ERC1: variants seen among roughly 807,000 people sequenced by gnomAD.
The protein encoded by ERC1 is ELKS/RAB6-interacting/CAST family member 1.
In ERC1, 56 loss-of-function variants were observed where a neutral mutation model predicts 132.0. That is an observed-to-expected ratio of 0.42 (90% CI 0.34 to 0.53). ERC1 has a LOEUF of 0.53. Among genes scored for constraint, ERC1 ranks in the 20% least tolerant of loss-of-function variants. The pLI is 0.03. For missense variants in ERC1, 1,202 were observed against 1,349.9 expected (o/e 0.89, Z 1.72); for synonymous variants, 478 against 476.1 (o/e 1.00, Z -0.05).
chr12:1,279,734 G>T (rs376165534), intron 14 of ERC1, among the ~76,000 whole-genome samples: 1 of 151,376 alleles, frequency 6.6e-6, no homozygotes, highest in Admixed American at 6.6e-5. Context: ...TGTCGCCCAG[G>T]CCGGACTGCG....
intron 16 of ERC1, among the ~76,000 whole-genome samples, chr12:1,399,050 A>G (rs1362377165): frequency 6.8e-6 from 1 of 146,020 alleles, no homozygotes; most frequent in Non-Finnish European, 1.5e-5. Context: ...GGCTCAAGCA[A>G]TCCTCCCACC....
chr12:1,219,493 A>G (rs1566286269), intron 12 of ERC1, among the ~76,000 whole-genome samples: 1 of 152,134 alleles, frequency 6.6e-6, no homozygotes, highest in Non-Finnish European at 1.5e-5. Context: ...TCAAAAATGT[A>G]TCTTTAATTC....
At chr12:1,462,192 C>G (rs1196895299) in intron 18 of ERC1, among the ~76,000 whole-genome samples, 1 of 152,110 alleles carries the variant, frequency 6.6e-6, no homozygotes, top group Non-Finnish European at 1.5e-5. Flanking sequence ...ACTGACAGTA[C>G]CAAATGCTCG....
chr12:1,340,328 A>G (rs748992055), intron 15 of ERC1, among the ~76,000 whole-genome samples: 2 of 152,104 alleles, frequency 1.3e-5, no homozygotes, highest in Non-Finnish European at 2.9e-5. Context: ...AAAGTCTCCT[A>G]TGGGAGCAAG....
chr12:1,320,207 A>T (rs1337924212), intron 15 of ERC1, among the ~76,000 whole-genome samples: 1 of 152,204 alleles, frequency 6.6e-6, no homozygotes, highest in East Asian at 1.9e-4. Context: ...ATATGTAAGC[A>T]TATTTTTCTA....
chr12:1,379,314 T>A (rs1040587858), intron 16 of ERC1, among the ~76,000 whole-genome samples: 1 of 152,224 alleles, frequency 6.6e-6, no homozygotes, highest in African/African-American at 2.4e-5. Flanking sequence ...ACATTGTTGC[T>A]AAAGTTCTGG....
At chr12:1,064,659 T>C (rs1362654634) in intron 2 of ERC1, among the ~76,000 whole-genome samples, 2 of 152,066 alleles carry the variant, frequency 1.3e-5, no homozygotes, top group African/African-American at 4.8e-5. Context: ...TCCCAAAGCA[T>C]TGGGATTGCA....
At chr12:1,422,817 CTG>C (rs1277684654) in intron 17 of ERC1, among the ~76,000 whole-genome samples, 1 of 151,824 alleles carries the variant, frequency 6.6e-6, no homozygotes, top group Non-Finnish European at 1.5e-5. Flanking sequence ...GCCACAAACA[CTG>C]TGTAAGAGTT....
intron 14 of ERC1, 64 bp downstream of exon 14, chr12:1,263,229 T>C (rs1039890636): frequency 2.6e-6 from 4 of 1,538,098 alleles, no homozygotes; most frequent in East Asian, 2.3e-5. Context: ...ACACAACCAG[T>C]ATAGTTTAGG....
chr12:1,115,751 A>G (rs7973282), intron 6 of ERC1, 115 bp from the exon 7 acceptor site: 203,003 of 903,962 alleles, frequency 0.22, 24,566 homozygotes, highest in Non-Finnish European at 0.25. Flanking sequence ...ATGACCTATC[A>G]CACAGTTCGT....
At chr12:1,356,916 A>G (rs1201882272) in intron 15 of ERC1, among the ~76,000 whole-genome samples, 2 of 152,196 alleles carry the variant, frequency 1.3e-5, no homozygotes, top group Non-Finnish European at 2.9e-5. Context: ...AAATTGTTGA[A>G]TCATTAATGC....
intron 2 of ERC1, among the ~76,000 whole-genome samples, chr12:1,074,252 A>G (rs1170327649): frequency 6.6e-6 from 1 of 152,052 alleles, no homozygotes; most frequent in Non-Finnish European, 1.5e-5. Context: ...TGTGGTGTAT[A>G]TAGAATGCAT....
intron 1 of ERC1, among the ~76,000 whole-genome samples, chr12:998,754 C>T (rs998016683): frequency 8.6e-5 from 13 of 151,876 alleles, no homozygotes; most frequent in African/African-American, 1.9e-4. Context: ...TTTGACAGAG[C>T]GGATACCCCT....
At chr12:1,108,693 T>G (rs1260771198) in intron 4 of ERC1, among the ~76,000 whole-genome samples, 3 of 152,182 alleles carry the variant, frequency 2.0e-5, no homozygotes, top group Non-Finnish European at 2.9e-5. Flanking sequence ...AAAATCCTGG[T>G]TTAGGTATAG....
intron 18 of ERC1, among the ~76,000 whole-genome samples, chr12:1,460,900 A>G (rs1432181142): frequency 6.9e-6 from 1 of 144,484 alleles, no homozygotes; most frequent in East Asian, 2.1e-4. Context: ...AAAATGAACA[A>G]TTGTTTTGAA....
rs1466939029 is a variant in ERC1 at position 1,083,414 on chromosome 12, A to G, written c.920A>G (p.Glu307Gly). The change falls in exon 3 of 19, where the codon GAA (glutamate) becomes GGA (glycine). Residue 307 changes from glutamate to glycine, a missense_variant. Physicochemically the swap from Glu to Gly is moderately conservative, Grantham distance 98. Transcript: ENST00000360905. ...AAGCAGACCCTAAATGCTCGGGATG[A>G]ATCCATTAAGAAGCTTCTGGAAATG... ...TQKQTLNARD[E>G]SIKKLLEMLQ... The G allele has an allele frequency of 6.2e-7, 1 of 1,614,202 alleles. No homozygotes were observed. The highest frequency in any genetic ancestry group is 8.5e-7 in the Non-Finnish European group (1 of 1,180,034).
intron 16 of ERC1, among the ~76,000 whole-genome samples, chr12:1,404,314 C>A (rs1461717157): frequency 6.6e-6 from 1 of 151,418 alleles, no homozygotes; most frequent in African/African-American, 2.4e-5. Context: ...TTTATTTATT[C>A]ATTCATTTAT....
chr12:1,334,324 T>C lies in ERC1; in HGVS notation c.2781-37509T>C, dbSNP rs563918151. On this transcript the variant is annotated intron_variant, in intron 15 of 18. Coordinates refer to ENST00000360905, the MANE Select transcript of ERC1 (RefSeq NM_178040.4). ...TCTTTGCCCATTCCTGTGTCCTGAT[T>C]GGTATTGACTAGGTTGTCTTCCAGG... Among the ~76,000 whole-genome samples the C allele has an allele frequency of 1.1e-4, 16 of 152,370 alleles. 1 individual carries two copies. Among genetic ancestry groups the C allele is most frequent in the African/African-American group, 3.8e-4 (16 of 41,586 alleles).
intron 2 of ERC1, among the ~76,000 whole-genome samples, chr12:1,074,128 C>T (rs1376701645): frequency 6.6e-6 from 1 of 151,988 alleles, no homozygotes; most frequent in East Asian, 1.9e-4. Flanking sequence ...TTCCAAAGTG[C>T]TGGGATTACA....
Sources: gnomAD v4.1 joint callset for allele counts (sites outside exome capture counted in the v4.1 genomes callset) on GRCh38, gnomAD v4.1.1 for gene constraint, MANE v1.5 for transcripts, NCBI Gene and HGNC (gene_info 2026-07-23, HGNC 2026-07-21) for gene names.